PAH: variants seen among roughly 807,000 people sequenced by gnomAD.
PAH encodes the protein phenylalanine-4-hydroxylase.
In PAH, 64 loss-of-function variants were observed where a neutral mutation model predicts 62.0. The ratio of observed to expected loss-of-function variants is 1.03; its 90% CI spans 0.84 to 1.27. PAH has a LOEUF of 1.27. Among genes scored for constraint, PAH ranks in the 50% most tolerant of loss-of-function variants. PAH has a pLI of 0.00. For synonymous variants in PAH, 195 were observed against 196.2 expected, an observed-to-expected ratio of 0.99 and a Z score of 0.05; for missense variants, 579 against 542.8, an observed-to-expected ratio of 1.07 and a Z score of -0.66.
At chr12:102,883,671 G>A (rs890848343) in intron 3 of PAH, among the ~76,000 whole-genome samples, 2 of 152,156 alleles carry the variant, frequency 1.3e-5, no homozygotes, top group African/African-American at 2.4e-5. Context: ...GAGGGACCCC[G>A]AGGTAGCACT....
chr12:102,912,762 T>C, intron 2 of PAH, 29 bp downstream of exon 2: 1 of 1,433,530 alleles, frequency 7.0e-7, no homozygotes, highest in South Asian at 1.1e-5. Context: ...TACGACATTA[T>C]CCAAGACAAA....
At chr12:102,923,206 G>A (rs1012390015) in intron 1 of PAH, among the ~76,000 whole-genome samples, 1 of 152,154 alleles carries the variant, frequency 6.6e-6, no homozygotes, top group Non-Finnish European at 1.5e-5. Context: ...TTACAGCAGG[G>A]GGTACACACT....
chr12:102,842,336 A>T (rs896574194), intron 11 of PAH, among the ~76,000 whole-genome samples: 8 of 152,208 alleles, frequency 5.3e-5, no homozygotes, highest in Non-Finnish European at 1.0e-4. Flanking sequence ...GAAGGACTTG[A>T]GAGCTCTGGA....
intron 5 of PAH, among the ~76,000 whole-genome samples, chr12:102,861,380 G>A (rs1404426765): frequency 6.6e-6 from 1 of 152,198 alleles, no homozygotes; most frequent in Non-Finnish European, 1.5e-5. Context: ...TATACTGTTG[G>A]TGGGACTGTA....
At chr12:102,875,302 A>AG (rs1876516987) in intron 4 of PAH, among the ~76,000 whole-genome samples, 1 of 152,188 alleles carries the variant, frequency 6.6e-6, no homozygotes, top group African/African-American at 2.4e-5. Flanking sequence ...AGGGGACTTG[A>AG]GGATACAGGG....
intron 5 of PAH, among the ~76,000 whole-genome samples, chr12:102,861,513 T>C (rs1175304612): frequency 6.6e-6 from 1 of 152,182 alleles, no homozygotes; most frequent in Non-Finnish European, 1.5e-5. Context: ...ATCATGCTGC[T>C]ATAAAGACAC....
chr12:102,958,300 A>G, exon 1 of PAH: 2 of 1,476,720 alleles, frequency 1.4e-6, no homozygotes, highest in Non-Finnish European at 1.8e-6. Context: ...CCCCAGCCGC[A>G]GCCCCAGCAG....
chr12:102,879,769 T>C (rs1456678966), intron 3 of PAH, among the ~76,000 whole-genome samples: 1 of 152,140 alleles, frequency 6.6e-6, no homozygotes, highest in Non-Finnish European at 1.5e-5. Flanking sequence ...TCAATGCATC[T>C]TGCCAATCAT....
chr12:102,861,546 G>A (rs1875715275), intron 5 of PAH, among the ~76,000 whole-genome samples: 1 of 152,182 alleles, frequency 6.6e-6, no homozygotes, highest in African/African-American at 2.4e-5. Flanking sequence ...GTTTATTGCA[G>A]CACTATTCAT....
chr12:102,840,571 T>C (rs1001243161), intron 11 of PAH, 56 bp from the exon 12 acceptor site: 1 of 1,210,960 alleles, frequency 8.3e-7, no homozygotes, highest in African/African-American at 1.5e-5. Flanking sequence ...AAGGTAGTCT[T>C]AAGAGAGTTC....
intron 4 of PAH, among the ~76,000 whole-genome samples, chr12:102,875,638 A>G (rs1718297): frequency 0.37 from 56,475 of 152,096 alleles, 11,267 homozygotes; most frequent in Non-Finnish European, 0.44. Context: ...CATGGTATAT[A>G]GGATGGAATG....
intron 3 of PAH, among the ~76,000 whole-genome samples, chr12:102,878,638 G>C (rs1447643287): frequency 6.6e-6 from 1 of 150,614 alleles, no homozygotes. Flanking sequence ...GGAAGGAAGA[G>C]GGAAGAGAGG....
At chr12:102,912,458 GA>G (rs1565873343) in intron 2 of PAH, among the ~76,000 whole-genome samples, 1 of 152,024 alleles carries the variant, frequency 6.6e-6, no homozygotes, top group Non-Finnish European at 1.5e-5. Context: ...CATGTTATGT[GA>G]AATGTAATCA....
intron 3 of PAH, among the ~76,000 whole-genome samples, chr12:102,884,877 C>T (rs1277895826): frequency 6.6e-6 from 1 of 152,200 alleles, no homozygotes; most frequent in Non-Finnish European, 1.5e-5. Context: ...CTTTCATCAT[C>T]TCCTTTAATT....
chr12:102,868,672 A>T (rs545591550), intron 4 of PAH, among the ~76,000 whole-genome samples: 92 of 152,252 alleles, frequency 6.0e-4, no homozygotes, highest in Admixed American at 1.1e-3. Flanking sequence ...TTAAAAAAAA[A>T]AAATAAAACT....
At chr12:102,947,522 A>G (rs1253348486) in intron 1 of PAH, among the ~76,000 whole-genome samples, 3 of 152,180 alleles carry the variant, frequency 2.0e-5, no homozygotes, top group Non-Finnish European at 2.9e-5. Context: ...TAAGGGCAGC[A>G]TATGTCATCA....
chr12:102,882,643 T>C (rs1466800718), intron 3 of PAH, among the ~76,000 whole-genome samples: 1 of 15,966 alleles, frequency 6.3e-5, no homozygotes, highest in Non-Finnish European at 1.1e-4. Context: ...ATATATACAC[T>C]ATATATATAT....
intron 1 of PAH, among the ~76,000 whole-genome samples, chr12:102,942,354 G>C (rs941082094): frequency 6.6e-6 from 1 of 152,082 alleles, no homozygotes. Context: ...TGGGCATACA[G>C]CTAACCAGGG....
At chr12:102,893,798 G>A (rs986453771) in intron 3 of PAH, among the ~76,000 whole-genome samples, 2 of 152,186 alleles carry the variant, frequency 1.3e-5, no homozygotes, top group South Asian at 2.1e-4. Flanking sequence ...ATTTCAGTAC[G>A]TAAATAATGG....
Sources: gnomAD v4.1 joint callset for allele counts (sites outside exome capture counted in the v4.1 genomes callset) on GRCh38, gnomAD v4.1.1 for gene constraint, MANE v1.5 for transcripts, NCBI Gene and HGNC (gene_info 2026-07-23, HGNC 2026-07-21) for gene names.